IAH1: variants seen among roughly 807,000 people sequenced by gnomAD.
The protein encoded by IAH1 is isoamyl acetate-hydrolyzing esterase 1 homolog.
In IAH1, 24 loss-of-function variants were observed where a neutral mutation model predicts 26.7. That is an observed-to-expected ratio of 0.90 (90% CI 0.65 to 1.26). The LOEUF (loss-of-function observed/expected upper bound fraction) is 1.26. Among genes scored for constraint, IAH1 ranks in the 50% most tolerant of loss-of-function variants. The pLI is 0.00. For missense variants in IAH1, 300 were observed against 299.9 expected (o/e 1.00, Z 0.00); for synonymous variants, 140 against 118.5 (o/e 1.18, Z -1.18).
At chr2:9,493,686 T>G (rs1408571744), downstream of IAH1, 1 of 1,447,834 alleles carries the variant, frequency 6.9e-7, no homozygotes, top group South Asian at 1.2e-5. Flanking sequence ...AAGCACACTT[T>G]TCTAATGTCA....
At chr2:9,500,288 C>A (rs1662922102), downstream of IAH1, among the ~76,000 whole-genome samples, 1 of 152,136 alleles carries the variant, frequency 6.6e-6, no homozygotes, top group Non-Finnish European at 1.5e-5. Context: ...TGAAAGAAGC[C>A]AGTCATACAA....
downstream of IAH1, among the ~76,000 whole-genome samples, chr2:9,499,134 GGTT>G (rs1304824784): frequency 3.1e-5 from 4 of 128,522 alleles, no homozygotes; most frequent in African/African-American, 1.6e-4. Context: ...TTTTTTTTGA[GGTT>G]GTTGTTCTCT....
downstream of IAH1, among the ~76,000 whole-genome samples, chr2:9,497,827 A>G (rs2124978590): frequency 6.6e-6 from 1 of 152,134 alleles, no homozygotes; most frequent in Non-Finnish European, 1.5e-5. Context: ...GTGGCCTCCC[A>G]CTTCCATTAT....
At chr2:9,490,977 C>G (rs910185684), downstream of IAH1, 19 of 830,150 alleles carry the variant, frequency 2.3e-5, no homozygotes, top group Non-Finnish European at 3.7e-5. Flanking sequence ...CAACCTAGAC[C>G]CTTCCTGCTG....
downstream of IAH1, chr2:9,490,193 T>C (rs1316515216): frequency 1.9e-6 from 3 of 1,595,462 alleles, no homozygotes; most frequent in East Asian, 4.5e-5. Context: ...CTCTGTTTCT[T>C]TGCTGTCAAC....
chr2:9,501,222 G>A (rs956142116), downstream of IAH1, among the ~76,000 whole-genome samples: 2 of 152,124 alleles, frequency 1.3e-5, no homozygotes, highest in African/African-American at 4.8e-5. Context: ...CAAGAAAAAT[G>A]TAAGTAAGTG....
chr2:9,495,860 CTT>C (rs34087915), intron 6 of IAH1, among the ~76,000 whole-genome samples: 64 of 138,624 alleles, frequency 4.6e-4, no homozygotes, highest in Admixed American at 9.3e-4. Context: ...TACGTGTTAC[CTT>C]TTTTTTTTTT....
At chr2:9,492,973 T>C, downstream of IAH1, 1 of 1,610,768 alleles carries the variant, frequency 6.2e-7, no homozygotes, top group Non-Finnish European at 8.5e-7. Flanking sequence ...CGATGTTGTC[T>C]GCTAAAAACT....
chr2:9,488,273 C>T lies in IAH1; in HGVS notation c.691C>T (p.Arg231Trp), dbSNP rs914532099. 14 of 1,613,158 alleles carry T rather than the reference C, an allele frequency of 8.7e-6. No individual in the cohort carries two copies. Among genetic ancestry groups the T allele is most frequent in the Middle Eastern group, 1.7e-4 (1 of 6,060 alleles). Residue 231 changes from arginine (R) to tryptophan (W), a missense_variant, in exon 6 of 6, where the codon CGG becomes TGG. Coordinates refer to ENST00000497473, the MANE Select transcript of IAH1 (RefSeq NM_001039613.3). ...TCTACCTTTGCTGCTTCCTTACTGG[C>T]GGGATGTAGCAGAAGCAAAACCTGA... is the stretch of plus-strand genomic sequence containing the variant. ...SSLPLLLPYWRDVAEAKPELS... is the reference protein window; with the variant it reads ...SSLPLLLPYWWDVAEAKPELS...
At chr2:9,503,594 A>G in the IAH1 span, among the ~76,000 whole-genome samples, 3 of 152,148 alleles carry the variant, frequency 2.0e-5, no homozygotes, top group African/African-American at 4.8e-5. Context: ...TAATCCCAAC[A>G]CTTTGGGAGG....
rs373794899 is a variant in IAH1, at chr2:9,480,853, TG to T, written c.284-432del. Reference sequence around the variant, plus strand: ...CAGTGCTGTAAACTCTTAGCTGTTTTGATTTTCAGTCCTAGGAGGGAGACCT... The same window carrying T: ...CAGTGCTGTAAACTCTTAGCTGTTTTATTTTCAGTCCTAGGAGGGAGACCT... On this transcript the variant is annotated intron_variant, in intron 3 of 5. Coordinates refer to ENST00000497473, the MANE Select transcript of IAH1 (RefSeq NM_001039613.3). 2.3e-3 allele frequency: 356 copies of T among 156,814 alleles called. 1 individual carries two copies. The highest frequency in any genetic ancestry group is 8.2e-3 in the African/African-American group (343 of 41,632). The allele number at this position is 156,814 out of a possible 1,614,324, so 9.7% of individuals were successfully genotyped here.
In IAH1 at chr2:9,474,670, C is replaced by A; in HGVS notation, c.81+23C>A. On this transcript the variant is annotated intron_variant, in intron 1 of 5. Coordinates refer to ENST00000497473, the MANE Select transcript of IAH1 (RefSeq NM_001039613.3). The surrounding 1 kb of genome is among the most constrained non-coding windows in gnomAD (Gnocchi z 4.3). ...CAGGTACGGCCGCCCCGACGCTCGG[C>A]CTCCCGCCCCGGCCTCCCTGCGGGG... 1 of 1,514,354 alleles carries A rather than the reference C, an allele frequency of 6.6e-7. No homozygotes were observed. Among genetic ancestry groups the A allele is most frequent in the South Asian group, 1.2e-5 (1 of 82,602 alleles). The allele number at this position is 1,514,354 out of a possible 1,614,324, so 93.8% of individuals were successfully genotyped here. A position where few individuals can be genotyped will look rare whatever the true frequency, so the allele number is the denominator to read the frequency against.
rs60724785 is a variant in IAH1, at chr2:9,481,459, A to G, written c.445+12A>G. The G allele has an allele frequency of 1.2e-6, 2 of 1,613,644 alleles. No individual in the cohort carries two copies. Among genetic ancestry groups the G allele is most frequent in the Admixed American group, 1.7e-5 (1 of 59,978 alleles). On this transcript the variant is annotated intron_variant, in intron 4 of 5. Transcript: ENST00000497473. ...GTGCATCATACAAGGTAAACAAACC[A>G]CAGCCAATCTCGGCAAATCTGGATA...
chr2:9,477,979 G>T (rs941793097), intron 2 of IAH1, among the ~76,000 whole-genome samples: 4 of 152,082 alleles, frequency 2.6e-5, no homozygotes, highest in African/African-American at 9.7e-5. Flanking sequence ...CTTCATCACA[G>T]CCCCTTTATA....
chr2:9,488,336 A>C lies in IAH1; in HGVS notation c.*7A>C, dbSNP rs757146115. Reference sequence around the variant, plus strand: ...GGGAGATGGAGACCATTAGCCAATCACAGGAGACCCAAATCTGCTTGTTAT... The same window carrying C: ...GGGAGATGGAGACCATTAGCCAATCCCAGGAGACCCAAATCTGCTTGTTAT... On this transcript the variant is annotated 3_prime_UTR_variant, in exon 6 of 6. Coordinates refer to ENST00000497473, the MANE Select transcript of IAH1 (RefSeq NM_001039613.3). 1.9e-6 allele frequency: 3 copies of C among 1,582,302 alleles called. No homozygotes were observed. In the Admixed American group the frequency reaches 5.8e-5, roughly 31 times the overall value.
chr2:9,476,222 A>G (rs1461903195), intron 2 of IAH1, among the ~76,000 whole-genome samples, 183 bp downstream of exon 2: 1 of 152,214 alleles, frequency 6.6e-6, no homozygotes, highest in Admixed American at 6.5e-5. Context: ...GACCAATTAG[A>G]TATTTTAGGG....
At chr2:9,508,140 T>C in the IAH1 span, among the ~76,000 whole-genome samples, 1 of 152,170 alleles carries the variant, frequency 6.6e-6, no homozygotes, top group Non-Finnish European at 1.5e-5. Flanking sequence ...ACTATCCTCA[T>C]AACCAAGAAG....
intron 4 of IAH1, among the ~76,000 whole-genome samples, chr2:9,481,762 CTCGGCCTGCGGGGG>C (rs1437750760): frequency 1.4e-5 from 2 of 146,508 alleles, no homozygotes; most frequent in Admixed American, 6.8e-5. Flanking sequence ...AGCTGTGGTG[CTCGGCCTGCGGGGG>C]CTGATGCTGA....
chr2:9,482,066 C>G (rs1039215068), intron 4 of IAH1, among the ~76,000 whole-genome samples: 8 of 139,594 alleles, frequency 5.7e-5, no homozygotes, highest in South Asian at 2.2e-4. Context: ...GAGTCTGGCT[C>G]TGTCAGCCAG....
Sources: allele counts gnomAD v4.1 joint callset (sites outside exome capture counted in the v4.1 genomes callset), GRCh38; gene constraint gnomAD v4.1.1; non-coding constraint Gnocchi (gnomAD v3.1); transcripts MANE v1.5; gene names NCBI Gene and HGNC (gene_info 2026-07-23, HGNC 2026-07-21).